Variants in GPC5 observed in about 807,000 individuals in gnomAD.
GPC5 encodes glypican 5, also known as glypican-5.
In GPC5, 47 loss-of-function variants were observed where a neutral mutation model predicts 53.9. The ratio of observed to expected loss-of-function variants is 0.87; its 90% CI spans 0.69 to 1.11. The LOEUF is 1.11. Among genes scored for constraint, GPC5 ranks in the 50% most tolerant of loss-of-function variants. The pLI, the probability that GPC5 is intolerant of heterozygous loss-of-function variation, is 0.00. For missense variants in GPC5, 748 were observed against 713.1 expected (o/e 1.05, Z -0.56); for synonymous variants, 286 against 263.3 (o/e 1.09, Z -0.84).
chr13:92,499,838 T>TGG (rs1242470804), intron 7 of GPC5, among the ~76,000 whole-genome samples: 2 of 152,176 alleles, frequency 1.3e-5, no homozygotes, highest in Non-Finnish European at 1.5e-5. Context: ...CATTGAAAAA[T>TGG]GGGACCTCAG....
intron 7 of GPC5, among the ~76,000 whole-genome samples, chr13:92,713,610 A>AG (rs1346940640): frequency 7.0e-6 from 1 of 143,452 alleles, no homozygotes; most frequent in African/African-American, 2.7e-5. Context: ...TCCAATCTCA[A>AG]AAAAAAAAAA....
chr13:91,979,063 T>C (rs1404484593), intron 6 of GPC5, among the ~76,000 whole-genome samples: 1 of 152,168 alleles, frequency 6.6e-6, no homozygotes, highest in African/African-American at 2.4e-5. Flanking sequence ...AGGAATAGAC[T>C]TGGGTGAGGG....
At chr13:92,755,857 G>C (rs1375164835) in intron 7 of GPC5, among the ~76,000 whole-genome samples, 10 of 143,432 alleles carry the variant, frequency 7.0e-5, no homozygotes, top group Admixed American at 2.8e-4. Context: ...CAACCAAAAA[G>C]AGTCCAGGAC....
At chr13:91,799,987 G>A (rs1246571477) in intron 5 of GPC5, among the ~76,000 whole-genome samples, 1 of 152,004 alleles carries the variant, frequency 6.6e-6, no homozygotes, top group East Asian at 1.9e-4. Flanking sequence ...GTATTAAAAT[G>A]AAAGTATCAA....
chr13:92,359,974 A>G (rs187840897), intron 7 of GPC5, among the ~76,000 whole-genome samples: 1 of 151,800 alleles, frequency 6.6e-6, no homozygotes, highest in East Asian at 1.9e-4. Context: ...GGTGCTGGAT[A>G]TTAGACCTTT....
intron 7 of GPC5, among the ~76,000 whole-genome samples, chr13:92,361,562 T>G (rs1005204444): frequency 2.2e-4 from 33 of 151,786 alleles, no homozygotes; most frequent in Non-Finnish European, 1.0e-4. Flanking sequence ...AACACCTGTC[T>G]ACTAGTACAT....
chr13:91,456,110 C>A (rs1427716852), intron 2 of GPC5, among the ~76,000 whole-genome samples: 1 of 152,070 alleles, frequency 6.6e-6, no homozygotes, highest in African/African-American at 2.4e-5. Flanking sequence ...ATCTTCCAGT[C>A]TCTTACATTT....
intron 6 of GPC5, among the ~76,000 whole-genome samples, chr13:91,921,593 T>C (rs554877301): frequency 1.2e-4 from 18 of 152,198 alleles, no homozygotes; most frequent in African/African-American, 4.1e-4. Flanking sequence ...ATCAGTATAG[T>C]ATTACCCTAA....
chr13:91,830,325 C>G (rs1467552580), intron 5 of GPC5, among the ~76,000 whole-genome samples: 1 of 152,048 alleles, frequency 6.6e-6, no homozygotes, highest in Non-Finnish European at 1.5e-5. Context: ...CCAAACATTG[C>G]TGTTATCCTG....
intron 7 of GPC5, among the ~76,000 whole-genome samples, chr13:92,684,964 A>C (rs543100138): frequency 6.6e-6 from 1 of 152,142 alleles, no homozygotes; most frequent in South Asian, 2.1e-4. Flanking sequence ...TCATTGTTTT[A>C]GTTTGCAATT....
At chr13:92,595,152 G>A (rs1883828439) in intron 7 of GPC5, among the ~76,000 whole-genome samples, 1 of 152,160 alleles carries the variant, frequency 6.6e-6, no homozygotes, top group African/African-American at 2.4e-5. Flanking sequence ...CGTCTTAACT[G>A]TTCTTTGTAA....
chr13:91,588,581 A>C (rs2032683076), intron 2 of GPC5, among the ~76,000 whole-genome samples: 2 of 152,108 alleles, frequency 1.3e-5, no homozygotes, highest in African/African-American at 4.8e-5. Context: ...AGAACTTTCT[A>C]ACTTAAAAAT....
chr13:92,574,406 C>A (rs1410159532), intron 7 of GPC5, among the ~76,000 whole-genome samples: 1 of 151,876 alleles, frequency 6.6e-6, no homozygotes, highest in Non-Finnish European at 1.5e-5. Context: ...AATTTTTTTT[C>A]AAAGTTTGTT....
rs145125549 is a variant in GPC5, at chr13:92,303,117, C to T, written c.1561+158128C>T. On this transcript the variant is annotated intron_variant, in intron 7 of 7. Transcript: ENST00000377067. ...TTTCCCCCCTATGGTTCTTTTCTTA[C>T]GGCTTTGAAATGTACAGGTACCAGA... is the stretch of plus-strand genomic sequence containing the variant. Among the ~76,000 whole-genome samples the T allele has an allele frequency of 3.5e-3, 534 of 151,896 alleles. 3 individuals are homozygous for T. Among genetic ancestry groups the T allele is most frequent in the Middle Eastern group, 0.021 (6 of 292 alleles).
chr13:92,053,726 T>G (rs1977398), intron 6 of GPC5, among the ~76,000 whole-genome samples: 6 of 151,920 alleles, frequency 3.9e-5, no homozygotes, highest in African/African-American at 1.4e-4. Context: ...CATTGCCTTA[T>G]GGAATTAAAA....
At chr13:92,679,860 G>T (rs955844785) in intron 7 of GPC5, among the ~76,000 whole-genome samples, 4 of 151,720 alleles carry the variant, frequency 2.6e-5, no homozygotes, top group East Asian at 1.9e-4. Flanking sequence ...TCACTCCTGC[G>T]CTCTCTCTTT....
In GPC5 at chr13:92,441,337, G is replaced by C. The variant is rs533854065; in HGVS notation, c.1561+296348G>C. 3.2e-3 allele frequency among the ~76,000 whole-genome samples: 489 copies of C among 152,298 alleles called. 3 individuals are homozygous for C. Among genetic ancestry groups the C allele is most frequent in the Middle Eastern group, 6.8e-3 (2 of 294 alleles). On this transcript the variant is annotated intron_variant, in intron 7 of 7. Transcript: ENST00000377067. ...GCCTGTCTGGGCCTCCCAAAGTGCT[G>C]GGACTACAGGCGTGAGCTACCGCCT...
intron 1 of GPC5, among the ~76,000 whole-genome samples, chr13:91,443,133 A>G (rs1880552778): frequency 6.6e-6 from 1 of 152,166 alleles, no homozygotes; most frequent in Admixed American, 6.5e-5. Context: ...GCCACTGCAA[A>G]CATTTTGAGG....
chr13:92,809,079 A>G (rs1877203205), intron 7 of GPC5, among the ~76,000 whole-genome samples: 1 of 152,176 alleles, frequency 6.6e-6, no homozygotes, highest in Non-Finnish European at 1.5e-5. Flanking sequence ...CTGTTCCCAC[A>G]GCAAAATTCA....
Sources: allele counts gnomAD v4.1 joint callset (sites outside exome capture counted in the v4.1 genomes callset), GRCh38; gene constraint gnomAD v4.1.1; transcripts MANE v1.5; gene names NCBI Gene and HGNC (gene_info 2026-07-23, HGNC 2026-07-21).